Variants in CHMP2A observed in about 807,000 individuals in gnomAD.
CHMP2A encodes the protein VPS2 homolog A.
In CHMP2A, 6 loss-of-function variants were observed where a neutral mutation model predicts 21.8. That is an observed-to-expected ratio of 0.28 (90% confidence interval 0.15 to 0.54). The LOEUF is 0.54. Ranked by LOEUF, CHMP2A falls within the 20% of genes least tolerant of loss-of-function variation. The pLI, the probability that CHMP2A is intolerant of heterozygous loss-of-function variation, is 0.95. For missense variants in CHMP2A, 303 were observed against 293.9 expected (o/e 1.03, Z -0.23); for synonymous variants, 125 against 107.0 (o/e 1.17, Z -1.04).
intron 2 of CHMP2A, among the ~76,000 whole-genome samples, chr19:58,552,701 C>T (rs1049580619): frequency 6.6e-6 from 1 of 152,194 alleles, no homozygotes; most frequent in Non-Finnish European, 1.5e-5. Flanking sequence ...AAGAAAGGCC[C>T]CAGGCTCACT....
chr19:58,553,161 G>A (rs556785461), intron 2 of CHMP2A, among the ~76,000 whole-genome samples: 1 of 151,634 alleles, frequency 6.6e-6, no homozygotes, highest in African/African-American at 2.4e-5. Context: ...GGCCTCAAGC[G>A]ATTCTTCTGC....
chr19:58,555,029 TTC>T lies in CHMP2A; in HGVS notation c.-68_-67del, dbSNP rs923978899. 2 of 152,360 alleles carry T rather than the reference TTC, an allele frequency of 1.3e-5. No homozygotes were observed. The highest frequency in any genetic ancestry group is 6.5e-5 in the Admixed American group (1 of 15,284). 9.4% of individuals were successfully genotyped at this position (152,360 alleles called of 1,614,324 possible). A position where few individuals can be genotyped will look rare whatever the true frequency, so the allele number is the denominator to read the frequency against. On this transcript the variant is annotated 5_prime_UTR_variant, in exon 1 of 6. Transcript: ENST00000312547. ...ACCCGTTTCCGCTTCCGGGTCACGC[TTC>T]TCTTTCTGGGATCCCCGACTTGCCC...
At chr19:58,554,497 C>T in intron 1 of CHMP2A, 1 of 428,314 alleles carries the variant, frequency 2.3e-6, no homozygotes, top group Non-Finnish European at 4.2e-6. Context: ...TTATGGCTTG[C>T]AAGTTCAGCT....
intron 2 of CHMP2A, among the ~76,000 whole-genome samples, chr19:58,553,537 A>G (rs550048493): frequency 6.6e-6 from 1 of 150,726 alleles, no homozygotes; most frequent in East Asian, 2.0e-4. Context: ...ATGCCTGGCT[A>G]GTTTTTTTTA....
At chr19:58,553,923 T>TG in intron 2 of CHMP2A, 122 bp downstream of exon 2, 1 of 1,310,796 alleles carries the variant, frequency 7.6e-7, no homozygotes, top group Non-Finnish European at 1.1e-6. Flanking sequence ...AGGGAAGCCC[T>TG]GCTGACCTTT....
At chr19:58,554,639 AGAGGAGGACAGGATGG>A in intron 1 of CHMP2A, 1 of 186,078 alleles carries the variant, frequency 5.4e-6, no homozygotes, top group Non-Finnish European at 1.1e-5. Context: ...GGGTTCTGAT[AGAGGAGGACAGGATGG>A]GCGGAAACGC....
In CHMP2A at chr19:58,552,433, A is replaced by G. The variant is rs771066783; in HGVS notation, c.174T>C (p.Ala58=). 9 of 1,613,492 alleles carry G rather than the reference A, an allele frequency of 5.6e-6. No individual in the cohort carries two copies. In the South Asian group the frequency reaches 6.6e-5, roughly 12 times the overall value. ...CCAAGTCTTTTGCCATGATGCGAAC[A>G]GCATCCTGCAGAGTAGACAAGGGTA... ...KKMAKQGQMD[A]VRIMAKDLVR... The change falls in exon 3 of 6, where the codon GCT becomes GCC. Residue 58 remains alanine, a synonymous_variant. Coordinates refer to ENST00000312547, the MANE Select transcript of CHMP2A (RefSeq NM_014453.4).
rs2053824090 is a variant in CHMP2A, at chr19:58,551,571, T to G, written c.*78A>C. The stretch of plus-strand genomic sequence containing the variant: ...AGTCACATGGGCCTGGAGACTAGTG[T>G]CAAATCTCTTTTATTACAGAGGGGT... On this transcript the variant is annotated 3_prime_UTR_variant, in exon 6 of 6. Coordinates refer to ENST00000312547, the MANE Select transcript of CHMP2A (RefSeq NM_014453.4). The G allele has an allele frequency of 3.9e-6, 6 of 1,524,492 alleles. No homozygotes were observed. Among genetic ancestry groups the G allele is most frequent in the Non-Finnish European group, 5.4e-6 (6 of 1,117,356 alleles). The allele number at this position is 1,524,492 out of a possible 1,614,324, so 94.4% of individuals were successfully genotyped here. A position where few individuals can be genotyped will look rare whatever the true frequency, so the allele number is the denominator to read the frequency against.
At chr19:58,553,079 T>G (rs951903170) in intron 2 of CHMP2A, among the ~76,000 whole-genome samples, 2 of 150,316 alleles carry the variant, frequency 1.3e-5, no homozygotes, top group South Asian at 2.1e-4. Context: ...TTTTTTTGAG[T>G]TGGAGTCTTG....
chr19:58,553,539 T>C (rs1470542530), intron 2 of CHMP2A, among the ~76,000 whole-genome samples: 3 of 150,126 alleles, frequency 2.0e-5, no homozygotes, highest in African/African-American at 7.4e-5. Flanking sequence ...GCCTGGCTAG[T>C]TTTTTTTATT....
chr19:58,551,726 C>CT lies in CHMP2A; in HGVS notation c.591dup (p.Ala198SerfsTer10), dbSNP rs1568665166. On this transcript the variant is annotated frameshift_variant, in exon 6 of 6. Transcript: ENST00000312547. LOFTEE classifies it high-confidence loss of function. ...GCTAGGGCTGAGGCTGCGGCCTCTG[C>CT]TTTTTTCCCACCAGCAGCCACACTA... The CT allele has an allele frequency of 6.2e-7, 1 of 1,614,114 alleles. No individual in the cohort carries two copies. The highest frequency in any genetic ancestry group is 8.5e-7 in the Non-Finnish European group (1 of 1,180,024).
At chr19:58,552,005 C>G in intron 4 of CHMP2A, 38 bp from the exon 5 acceptor site, 1 of 1,614,150 alleles carries the variant, frequency 6.2e-7, no homozygotes, top group South Asian at 1.1e-5. Context: ...GCTATGCACT[C>G]CGTGAGGGCC....
At chr19:58,553,699 A>C in intron 2 of CHMP2A, 1 of 321,772 alleles carries the variant, frequency 3.1e-6, no homozygotes, top group South Asian at 2.7e-5. Flanking sequence ...CTTCCAACTT[A>C]GCTCCCACTT....
intron 2 of CHMP2A, among the ~76,000 whole-genome samples, chr19:58,553,415 G>A (rs1166942970): frequency 7.0e-6 from 1 of 142,750 alleles, no homozygotes; most frequent in Non-Finnish European, 1.5e-5. Flanking sequence ...CTGTCACCCA[G>A]GCTGGAGTGC....
chr19:58,554,122 G>C lies in CHMP2A; in HGVS notation c.91C>G (p.Arg31Gly), dbSNP rs748088651. The C allele has an allele frequency of 5.0e-6, 8 of 1,614,000 alleles. No homozygotes were observed. The highest frequency in any genetic ancestry group is 4.4e-5 in the South Asian group (4 of 91,092). Residue 31 changes from arginine to glycine, a missense_variant, in exon 2 of 6, where the codon CGC becomes GGC. By Grantham distance (125) the Arg-to-Gly change is moderately radical. Coordinates refer to ENST00000312547, the MANE Select transcript of CHMP2A (RefSeq NM_014453.4). ...ALNRAMRELD[R>G]ERQKLETQEK... ...TGGGTCTCTAGTTTCTGTCGCTCGC[G>C]GTCCAGCTCCCGCATGGCACGGTTC...
chr19:58,553,893 G>T, intron 2 of CHMP2A, 152 bp downstream of exon 2: 2 of 942,000 alleles, frequency 2.1e-6, no homozygotes, highest in Non-Finnish European at 3.3e-6. Context: ...CTTGGAGGCA[G>T]CCTTCCAGAC....
chr19:58,553,677 G>T, intron 2 of CHMP2A: 1 of 304,614 alleles, frequency 3.3e-6, no homozygotes, highest in Non-Finnish European at 6.2e-6. Flanking sequence ...GCCCGGCCCT[G>T]TAATCCCTAA....
Position 58,554,438 on chromosome 19 carries a change from T to C in CHMP2A, c.-24-202A>G, listed in dbSNP as rs2053869058. 5 of 539,258 alleles carry C rather than the reference T, an allele frequency of 9.3e-6. No individual in the cohort carries two copies. In the South Asian group the frequency reaches 1.0e-4, roughly 11 times the overall value. The allele number at this position is 539,258 out of a possible 1,614,324, so 33.4% of individuals were successfully genotyped here. A position where few individuals can be genotyped will look rare whatever the true frequency, so the allele number is the denominator to read the frequency against. Reference sequence around the variant, plus strand: ...GGGGGACAGGTAGACCTGAAAATTATCCAAGTGCTGGCCCGAGCCCCTCCT... The same window carrying C: ...GGGGGACAGGTAGACCTGAAAATTACCCAAGTGCTGGCCCGAGCCCCTCCT... On this transcript the variant is annotated intron_variant, in intron 1 of 5. Transcript: ENST00000312547.
In CHMP2A at chr19:58,551,953, G is replaced by A. The variant is rs1237576842; in HGVS notation, c.494C>T (p.Ser165Phe). The A allele has an allele frequency of 6.2e-7, 1 of 1,614,154 alleles. No homozygotes were observed. Among genetic ancestry groups the A allele is most frequent in the East Asian group, 2.2e-5 (1 of 44,878 alleles). The change falls in exon 5 of 6, where the codon TCC becomes TTC. Residue 165 changes from serine to phenylalanine, a missense_variant. By Grantham distance (155) the Ser-to-Phe change is radical. Coordinates refer to ENST00000312547, the MANE Select transcript of CHMP2A (RefSeq NM_014453.4). Reference sequence around the variant, plus strand: ...AAGTCCCAGCTCATCCAGAACCTGGGACACCACAGCATCACTAGGGAAGAG... The same window carrying A: ...AAGTCCCAGCTCATCCAGAACCTGGAACACCACAGCATCACTAGGGAAGAG... ...EDEEESDAVV[S>F]QVLDELGLSL...
Sources: allele counts gnomAD v4.1 joint callset (sites outside exome capture counted in the v4.1 genomes callset), GRCh38; gene constraint gnomAD v4.1.1; transcripts MANE v1.5; gene names NCBI Gene and HGNC (gene_info 2026-07-23, HGNC 2026-07-21).